Variants in AKR1B15 observed in about 807,000 individuals in gnomAD.
AKR1B15 encodes estradiol 17-beta-dehydrogenase AKR1B15.
In AKR1B15, 49 loss-of-function variants were observed where a neutral mutation model predicts 38.5. That is an observed-to-expected ratio of 1.27 (90% CI 1.01 to 1.62). AKR1B15 has a LOEUF of 1.62. Ranked by LOEUF, AKR1B15 falls within the 40% of genes most tolerant of loss-of-function variation. The pLI, the probability that AKR1B15 is intolerant of heterozygous loss-of-function variation, is 0.00. For missense variants in AKR1B15, 411 were observed against 381.6 expected (o/e 1.08, Z -0.64); for synonymous variants, 137 against 135.5 (o/e 1.01, Z -0.08).
intron 2 of AKR1B15, among the ~76,000 whole-genome samples, chr7:134,562,692 A>C (rs576358898): frequency 1.3e-5 from 2 of 152,266 alleles, no homozygotes; most frequent in South Asian, 4.1e-4. Context: ...CCAGAAGTCC[A>C]GCTGGCTACA....
chr7:134,569,781 A>G, intron 5 of AKR1B15: 1 of 402,998 alleles, frequency 2.5e-6, no homozygotes, highest in South Asian at 2.9e-5. Context: ...GTGATTTCCT[A>G]TGCCTGTCTT....
chr7:134,556,464 G>A (rs2117617353), intron 1 of AKR1B15, among the ~76,000 whole-genome samples: 1 of 152,262 alleles, frequency 6.6e-6, no homozygotes, highest in Admixed American at 6.5e-5. Context: ...GTCAGGGAAT[G>A]CCTTCTGTCT....
At chr7:134,575,002 A>G (rs1325729247) in intron 6 of AKR1B15, among the ~76,000 whole-genome samples, 32 of 152,350 alleles carry the variant, frequency 2.1e-4, no homozygotes, top group South Asian at 2.1e-4. Flanking sequence ...GTTTGGGTGT[A>G]CAATGTACAC....
chr7:134,557,329 A>G (rs1794233078), intron 2 of AKR1B15, among the ~76,000 whole-genome samples: 1 of 152,186 alleles, frequency 6.6e-6, no homozygotes, highest in African/African-American at 2.4e-5. Context: ...CCTTGTTATA[A>G]CCGAGGAATC....
rs372007991 is a variant in AKR1B15, at chr7:134,568,336, C to A, written c.318+11C>A. ...TTCATCGTCAGCAAGGTGCACATGG[C>A]GCATTTGGTGGGAGGCCTTCACTTC... On this transcript the variant is annotated intron_variant, in intron 4 of 11. Transcript: ENST00000457545. 1.2e-6 allele frequency: 2 copies of A among 1,613,050 alleles called. No individual in the cohort carries two copies. The highest frequency in any genetic ancestry group is 1.7e-5 in the Admixed American group (1 of 59,998).
intron 1 of AKR1B15, among the ~76,000 whole-genome samples, chr7:134,553,498 G>A (rs1038228143): frequency 6.6e-6 from 1 of 152,206 alleles, no homozygotes; most frequent in Non-Finnish European, 1.5e-5. Flanking sequence ...GGGTGGCCAA[G>A]TTGTCTGTGA....
chr7:134,562,493 G>GCTGATTGGTCCATTATACGGAGCA (rs1562946709), intron 2 of AKR1B15, among the ~76,000 whole-genome samples: 1 of 151,906 alleles, frequency 6.6e-6, no homozygotes, highest in Non-Finnish European at 1.5e-5. Flanking sequence ...TTTACAGAGC[G>GCTGATTGGTCCATTATACGGAGCA]CTGATTGGTC....
At chr7:134,565,803 G>C (rs897196592) in intron 3 of AKR1B15, among the ~76,000 whole-genome samples, 4 of 152,122 alleles carry the variant, frequency 2.6e-5, no homozygotes, top group Non-Finnish European at 4.4e-5. Flanking sequence ...ACTTAAAATT[G>C]TTTTCCAGGG....
chr7:134,564,793 C>T (rs770406839), intron 3 of AKR1B15, 24 bp downstream of exon 3: 14 of 638,926 alleles, frequency 2.2e-5, no homozygotes, highest in South Asian at 5.5e-5. Flanking sequence ...GAGGTCATCA[C>T]CCAATTCCCA....
intron 2 of AKR1B15, among the ~76,000 whole-genome samples, chr7:134,557,747 C>G (rs957119864): frequency 3.9e-5 from 6 of 152,136 alleles, no homozygotes; most frequent in Admixed American, 6.5e-5. Flanking sequence ...CTCCTCCCCT[C>G]TTTAGACCAA....
At chr7:134,551,093 C>T (rs1339530689) in intron 1 of AKR1B15, among the ~76,000 whole-genome samples, 2 of 152,178 alleles carry the variant, frequency 1.3e-5, no homozygotes, top group Non-Finnish European at 2.9e-5. Flanking sequence ...CCCTCAGCTC[C>T]CTCGATTCCT....
chr7:134,575,015 A>G (rs1364712854), intron 6 of AKR1B15, among the ~76,000 whole-genome samples: 1 of 152,260 alleles, frequency 6.6e-6, no homozygotes, highest in Non-Finnish European at 1.5e-5. Context: ...ATGTACACAC[A>G]CAACAGTAGC....
chr7:134,557,345 T>A (rs967099417), intron 2 of AKR1B15, among the ~76,000 whole-genome samples: 2 of 152,132 alleles, frequency 1.3e-5, no homozygotes, highest in Non-Finnish European at 2.9e-5. Flanking sequence ...GAATCAATGA[T>A]CTGATTCCCC....
chr7:134,577,166 C>A (rs1794784103), intron 10 of AKR1B15, 120 bp downstream of exon 10: 17 of 1,057,222 alleles, frequency 1.6e-5, no homozygotes, highest in East Asian at 4.8e-5. Context: ...CCCCACCACC[C>A]TATCATTTTC....
At chr7:134,575,292 T>C in intron 6 of AKR1B15, 128 bp from the exon 7 acceptor site, 1 of 1,426,914 alleles carries the variant, frequency 7.0e-7, no homozygotes, top group South Asian at 1.6e-5. Context: ...TGAAATTTCC[T>C]GTGAATGCTT....
At chr7:134,577,146 C>A in intron 10 of AKR1B15, 100 bp downstream of exon 10, 2 of 1,189,026 alleles carry the variant, frequency 1.7e-6, no homozygotes, top group Non-Finnish European at 2.5e-6. Context: ...CTGTCTTTGG[C>A]CCCCTCCTTC....
chr7:134,570,632 G>A (rs1227976058), intron 5 of AKR1B15, among the ~76,000 whole-genome samples: 2 of 152,182 alleles, frequency 1.3e-5, no homozygotes, highest in Non-Finnish European at 2.9e-5. Flanking sequence ...GAATTATCAG[G>A]GGCGGATTCA....
chr7:134,569,357 A>G, intron 4 of AKR1B15, 56 bp from the exon 5 acceptor site: 2 of 1,596,016 alleles, frequency 1.3e-6, no homozygotes, highest in South Asian at 1.1e-5. Context: ...GACAATGAGT[A>G]TAATGTGGCC....
chr7:134,565,402 C>G (rs780355893), intron 3 of AKR1B15: 9 of 1,605,390 alleles, frequency 5.6e-6, no homozygotes, highest in Non-Finnish European at 6.8e-6. Flanking sequence ...GACCACGAAC[C>G]CTCTGGAAGG....
Sources: gnomAD v4.1 joint callset for allele counts (sites outside exome capture counted in the v4.1 genomes callset) on GRCh38, gnomAD v4.1.1 for gene constraint, MANE v1.5 for transcripts, NCBI Gene and HGNC (gene_info 2026-07-23, HGNC 2026-07-21) for gene names.